Variants in XRN1 observed in about 807,000 individuals in gnomAD.
The protein encoded by XRN1 is strand-exchange protein 1 homolog.
A neutral mutation model predicts 222.3 loss-of-function variants in XRN1; 67 were observed. The observed-to-expected ratio is 0.30, with a 90% CI of 0.25 to 0.37. XRN1 has a LOEUF of 0.37. XRN1 is among the 10% of genes least tolerant of loss of function. The probability of loss-of-function intolerance (pLI) is 1.00; values close to 1 mark genes in which losing one functional copy is unlikely to be tolerated. For missense variants in XRN1, 1,707 were observed against 2,000.2 expected (o/e 0.85, Z 2.80); for synonymous variants, 643 against 652.4 (o/e 0.99, Z 0.22).
At chr3:142,358,495 C>T (rs2066526027) in intron 30 of XRN1, among the ~76,000 whole-genome samples, 1 of 152,110 alleles carries the variant, frequency 6.6e-6, no homozygotes, top group African/African-American at 2.4e-5. Context: ...GAGAACTAAA[C>T]TTACTAAAGA....
At chr3:142,403,639 G>T (rs1464469721) in intron 18 of XRN1, 35 bp downstream of exon 18, 1 of 1,562,822 alleles carries the variant, frequency 6.4e-7, no homozygotes. Context: ...TACATTATAG[G>T]CATCTAATAA....
intron 3 of XRN1, 193 bp downstream of exon 3, chr3:142,426,551 T>A: frequency 1.8e-6 from 1 of 550,504 alleles, no homozygotes; most frequent in Non-Finnish European, 3.2e-6. Context: ...CATCTGAAAA[T>A]CCCTACAGTT....
chr3:142,366,499 G>A (rs183091710), intron 27 of XRN1, among the ~76,000 whole-genome samples: 44 of 152,246 alleles, frequency 2.9e-4, no homozygotes, highest in Non-Finnish European at 5.0e-4. Context: ...AGGTGCTGGG[G>A]ATAAAGCAGT....
chr3:142,428,121 G>A (rs975929714), intron 2 of XRN1, among the ~76,000 whole-genome samples: 8 of 152,024 alleles, frequency 5.3e-5, no homozygotes, highest in African/African-American at 1.2e-4. Context: ...GGCCAGGTGC[G>A]GTGGCTCACA....
chr3:142,419,274 TTG>T (rs1175662582), intron 10 of XRN1, among the ~76,000 whole-genome samples: 1 of 152,072 alleles, frequency 6.6e-6, no homozygotes, highest in African/African-American at 2.4e-5. Context: ...CAGGTAAGTT[TTG>T]TGTGTACAGG....
intron 20 of XRN1, among the ~76,000 whole-genome samples, chr3:142,391,997 G>A (rs1197565336): frequency 6.6e-6 from 1 of 150,628 alleles, no homozygotes; most frequent in Non-Finnish European, 1.5e-5. Context: ...GTACTTCCTT[G>A]CCCCCTTTTC....
chr3:142,400,065 T>C (rs943141641), intron 19 of XRN1, among the ~76,000 whole-genome samples: 1 of 152,118 alleles, frequency 6.6e-6, no homozygotes, highest in Non-Finnish European at 1.5e-5. Flanking sequence ...CCCTAAAAAA[T>C]TAATGTACAA....
chr3:142,326,717 G>C, intron 37 of XRN1, among the ~76,000 whole-genome samples: 1 of 152,150 alleles, frequency 6.6e-6, no homozygotes, highest in East Asian at 1.9e-4. Flanking sequence ...GAATTTAAAG[G>C]AAAGTATTTC....
At chr3:142,381,572 T>C (rs1228713337) in intron 22 of XRN1, among the ~76,000 whole-genome samples, 1 of 148,446 alleles carries the variant, frequency 6.7e-6, no homozygotes, top group African/African-American at 2.5e-5. Context: ...GCTTTTTTTT[T>C]TTTTTTTTTT....
intron 37 of XRN1, among the ~76,000 whole-genome samples, chr3:142,323,651 C>T (rs2065427737): frequency 2.0e-5 from 3 of 152,146 alleles, no homozygotes; most frequent in Admixed American, 2.0e-4. Flanking sequence ...AATCTAGCTT[C>T]TCCTATTACT....
intron 3 of XRN1, among the ~76,000 whole-genome samples, chr3:142,426,323 G>A (rs886786060): frequency 1.3e-5 from 2 of 152,174 alleles, no homozygotes; most frequent in Non-Finnish European, 2.9e-5. Flanking sequence ...ATTTTGAGAA[G>A]CAGAGTAGTA....
chr3:142,372,290 TA>T (rs1364452710), intron 25 of XRN1, among the ~76,000 whole-genome samples: 4 of 152,060 alleles, frequency 2.6e-5, no homozygotes, highest in Non-Finnish European at 5.9e-5. Context: ...AATGAAAGCA[TA>T]AATACTATAC....
intron 1 of XRN1, among the ~76,000 whole-genome samples, chr3:142,443,607 G>A (rs1388251335): frequency 6.6e-6 from 1 of 152,200 alleles, no homozygotes; most frequent in African/African-American, 2.4e-5. Context: ...CTTTTGTATG[G>A]GAGCTCTGTT....
intron 18 of XRN1, 36 bp downstream of exon 18, chr3:142,403,638 G>C: frequency 6.4e-7 from 1 of 1,563,628 alleles, no homozygotes; most frequent in South Asian, 1.1e-5. Context: ...ATACATTATA[G>C]GCATCTAATA....
At chr3:142,335,589 A>G in intron 33 of XRN1, 80 bp from the exon 34 acceptor site, 1 of 1,257,602 alleles carries the variant, frequency 8.0e-7, no homozygotes, top group South Asian at 1.3e-5. Flanking sequence ...TATAATAGCA[A>G]GGCACTGTGT....
intron 2 of XRN1, 67 bp from the exon 3 acceptor site, chr3:142,426,908 G>A: frequency 8.1e-7 from 1 of 1,237,436 alleles, no homozygotes; most frequent in Non-Finnish European, 1.2e-6. Context: ...TATATAAACT[G>A]CTATGTAGGT....
rs999350328 is a variant in XRN1, at chr3:142,331,138, A to C, written c.4222+1237T>G. Reference sequence around the variant, plus strand: ...CAGCCAATTCCAGGTTTTGATCTTTAATACGCTTAGATCTGCTTATTCCAA... The same window carrying C: ...CAGCCAATTCCAGGTTTTGATCTTTCATACGCTTAGATCTGCTTATTCCAA... On this transcript the variant is annotated intron_variant, in intron 36 of 40. Coordinates refer to ENST00000392981, the MANE Select transcript of XRN1 (RefSeq NM_001282857.2). 2.0e-5 allele frequency among the ~76,000 whole-genome samples: 3 copies of C among 152,164 alleles called. No individual in the cohort carries two copies. The East Asian group carries it at 5.8e-4, about 29-fold the overall frequency.
At position 142,312,656 on chromosome 3, in the gene XRN1, G is replaced by T; in HGVS notation, c.4724C>A (p.Thr1575Asn). Residue 1575 changes from threonine to asparagine, a missense_variant, in exon 40 of 41, where the codon ACC becomes AAC. Thr to Asn is a moderately conservative substitution (Grantham distance 65, BLOSUM62 0). This residue lies in a region of XRN1 where 473 missense variants were observed against 482.0 expected (regional missense o/e 0.98). Transcript: ENST00000392981. ...KPFHHTLYSG[T>N]MPMAGGIPGG... is the part of the protein sequence containing the mutation. ...TGGTATTCCCCCAGCCATGGGCATG[G>T]TCCCAGAATATAAAGTATGATGGAA... The T allele has an allele frequency of 6.2e-7, 1 of 1,613,722 alleles. No homozygotes were observed. Among genetic ancestry groups the T allele is most frequent in the Non-Finnish European group, 8.5e-7 (1 of 1,179,690 alleles).
intron 20 of XRN1, among the ~76,000 whole-genome samples, chr3:142,389,421 T>C (rs1450078899): frequency 1.3e-5 from 2 of 152,208 alleles, no homozygotes; most frequent in Non-Finnish European, 2.9e-5. Flanking sequence ...AAATTCCTGC[T>C]AATGTTGATA....
Sources: gnomAD v4.1 joint callset for allele counts (sites outside exome capture counted in the v4.1 genomes callset) on GRCh38, gnomAD v4.1.1 for gene constraint, gnomAD v4.1.1 regional missense constraint, MANE v1.5 for transcripts, NCBI Gene and HGNC (gene_info 2026-07-23, HGNC 2026-07-21) for gene names.